Variants in ANKRD30B observed in about 807,000 individuals in gnomAD.
ANKRD30B encodes ankyrin repeat domain-containing protein 30B.
ANKRD30B carries 144 observed loss-of-function variants against 202.2 expected under a neutral mutation model. The ratio of observed to expected loss-of-function variants is 0.71; its 90% CI spans 0.62 to 0.82. The LOEUF is 0.82. ANKRD30B is among the 40% of genes least tolerant of loss of function. The pLI, the probability that ANKRD30B is intolerant of heterozygous loss-of-function variation, is 0.00. For missense variants in ANKRD30B, 1,487 were observed against 1,669.1 expected, an observed-to-expected ratio of 0.89 and a Z score of 1.90; for synonymous variants, 508 against 561.3, an observed-to-expected ratio of 0.91 and a Z score of 1.34.
intron 14 of ANKRD30B, among the ~76,000 whole-genome samples, chr18:14,785,960 C>T (rs1049001845): frequency 2.8e-4 from 41 of 145,200 alleles, no homozygotes; most frequent in African/African-American, 1.0e-3. Context: ...ATGGCGTGAA[C>T]CCAGGAAGCG....
intron 3 of ANKRD30B, among the ~76,000 whole-genome samples, chr18:14,754,167 C>T (rs1913952020): frequency 6.6e-6 from 1 of 152,116 alleles, no homozygotes. Flanking sequence ...GAGCCACTTC[C>T]TTAGTGACCC....
At chr18:14,903,977 C>T in the ANKRD30B span, among the ~76,000 whole-genome samples, 1 of 152,212 alleles carries the variant, frequency 6.6e-6, no homozygotes, top group East Asian at 1.9e-4. Flanking sequence ...GGCCCCCAAT[C>T]ATTAGATTAT....
At chr18:14,799,440 G>A in intron 22 of ANKRD30B, 145 bp downstream of exon 22, 1 of 919,648 alleles carries the variant, frequency 1.1e-6, no homozygotes, top group Non-Finnish European at 1.6e-6. Flanking sequence ...TAGTATTCAT[G>A]TTTGAGAAAA....
chr18:14,888,008 A>C, the ANKRD30B span, among the ~76,000 whole-genome samples: 5 of 152,128 alleles, frequency 3.3e-5, no homozygotes, highest in Admixed American at 6.6e-5. Flanking sequence ...TTGCTATCTT[A>C]TATACAAGAT....
intron 16 of ANKRD30B, among the ~76,000 whole-genome samples, chr18:14,794,140 C>G (rs1968713707): frequency 6.6e-6 from 1 of 151,978 alleles, no homozygotes; most frequent in Non-Finnish European, 1.5e-5. Context: ...GCCATGTGAC[C>G]TGTCCTGATT....
intron 22 of ANKRD30B, 75 bp downstream of exon 22, chr18:14,799,370 T>G: frequency 7.6e-7 from 1 of 1,309,204 alleles, no homozygotes; most frequent in Non-Finnish European, 1.0e-6. Context: ...ACCTTTTTAT[T>G]CCCAATGTTG....
intron 6 of ANKRD30B, among the ~76,000 whole-genome samples, chr18:14,762,702 A>T (rs1435380755): frequency 6.6e-6 from 1 of 152,248 alleles, no homozygotes; most frequent in South Asian, 2.1e-4. Flanking sequence ...ACAAAAAATT[A>T]TAAAAAAATT....
At chr18:14,764,737 T>C (rs543191608) in intron 7 of ANKRD30B, among the ~76,000 whole-genome samples, 159 of 152,202 alleles carry the variant, frequency 1.0e-3, no homozygotes, top group African/African-American at 3.7e-3. Flanking sequence ...ATCATCATGC[T>C]CTCTCAAGAC....
At chr18:14,873,524 CAAAAAAAA>C in the ANKRD30B span, among the ~76,000 whole-genome samples, 18 of 90,636 alleles carry the variant, frequency 2.0e-4, no homozygotes, top group East Asian at 3.3e-4. Flanking sequence ...GACTCCGTTT[CAAAAAAAA>C]AAAAAAAAAA....
At chr18:14,804,629 G>A (rs1156704630) in intron 24 of ANKRD30B, among the ~76,000 whole-genome samples, 10 of 150,826 alleles carry the variant, frequency 6.6e-5, no homozygotes, top group African/African-American at 2.2e-4. Context: ...GGGCCATTGG[G>A]TAGAAGGTCA....
At chr18:14,874,899 G>A in the ANKRD30B span, among the ~76,000 whole-genome samples, 18 of 152,282 alleles carry the variant, frequency 1.2e-4, no homozygotes, top group African/African-American at 4.3e-4. Context: ...TGATATTCAA[G>A]GAGTGGTTCT....
rs1291668447 is a variant in ANKRD30B, at chr18:14,754,913, C to A, written c.525C>A (p.Pro175=). ...CTATTTTACAGGCTAGCCTCACACC[C>A]CTTTTACTGGCCATACAGAAAAGAA... ...IEVQNKASLT[P]LLLAIQKRSK... The change falls in exon 4 of 44, where the codon CCC becomes CCA. Residue 175 remains proline (P), a synonymous_variant. Coordinates refer to ENST00000690538, the MANE Select transcript of ANKRD30B (RefSeq NM_001367607.2). The A allele has an allele frequency of 3.2e-6, 5 of 1,541,498 alleles. No individual in the cohort carries two copies. Among genetic ancestry groups the A allele is most frequent in the Non-Finnish European group, 4.4e-6 (5 of 1,146,052 alleles).
chr18:14,889,519 T>C, the ANKRD30B span, among the ~76,000 whole-genome samples: 1 of 152,076 alleles, frequency 6.6e-6, no homozygotes, highest in African/African-American at 2.4e-5. Flanking sequence ...ATATTTTGCA[T>C]TGTAGTGAAG....
At chr18:14,810,541 G>T (rs1969854814) in intron 28 of ANKRD30B, among the ~76,000 whole-genome samples, 1 of 151,192 alleles carries the variant, frequency 6.6e-6, no homozygotes, top group Non-Finnish European at 1.5e-5. Context: ...TTTGAGGAAA[G>T]TTTCACTTGC....
chr18:14,850,634 G>T (rs1036927467), intron 41 of ANKRD30B, among the ~76,000 whole-genome samples: 1 of 151,650 alleles, frequency 6.6e-6, no homozygotes. Context: ...TAATTTATTG[G>T]TAAGTATTTT....
intron 15 of ANKRD30B, among the ~76,000 whole-genome samples, chr18:14,789,906 A>G (rs1968352298): frequency 6.6e-6 from 1 of 152,184 alleles, no homozygotes. Flanking sequence ...ACTTTAAAGT[A>G]GTTTTTTCCA....
rs1209466926 is a variant in ANKRD30B at position 14,854,235 on chromosome 18, T to C, written c.*77T>C. Among the ~76,000 whole-genome samples the C allele has an allele frequency of 1.3e-5, 2 of 152,178 alleles. No homozygotes were observed. The highest frequency in any genetic ancestry group is 4.8e-5 in the African/African-American group (2 of 41,432). On this transcript the variant is annotated 3_prime_UTR_variant, in exon 44 of 44. Transcript: ENST00000690538. Reference sequence around the variant, plus strand: ...TTGTGAACATTTGCTTCTTTTTCCATTTTAAAGTTAAACAAGAAGAAAAGG... The same window carrying C: ...TTGTGAACATTTGCTTCTTTTTCCACTTTAAAGTTAAACAAGAAGAAAAGG...
At chr18:14,939,330 A>G in the ANKRD30B span, among the ~76,000 whole-genome samples, 96,700 of 152,002 alleles carry the variant, frequency 0.64, 31,057 homozygotes, top group African/African-American at 0.73. Flanking sequence ...TGTTTCTGTG[A>G]AACACCTTAG....
At position 14,778,008 on chromosome 18, in the gene ANKRD30B, G is replaced by A. The variant is rs1967484887; in HGVS notation, c.1353G>A (p.Gln451=). ...AGATTATCTCTAAGAGTGCTGCACA[G>A]AATTATACGTGTTTACCTGATGCTA... ...ATKIISKSAA[Q]NYTCLPDATY... is the part of the protein sequence containing the mutation. The change falls in exon 10 of 44, where the codon CAG becomes CAA. Residue 451 remains glutamine (Q), a synonymous_variant. Transcript: ENST00000690538. 2 of 1,548,442 alleles carry A rather than the reference G, an allele frequency of 1.3e-6. No homozygotes were observed. Among genetic ancestry groups the A allele is most frequent in the Non-Finnish European group, 1.7e-6 (2 of 1,144,496 alleles).
Sources: gnomAD v4.1 joint callset for allele counts (sites outside exome capture counted in the v4.1 genomes callset) on GRCh38, gnomAD v4.1.1 for gene constraint, MANE v1.5 for transcripts, NCBI Gene and HGNC (gene_info 2026-07-23, HGNC 2026-07-21) for gene names.